Variants in ARFGEF2 observed in about 807,000 individuals in gnomAD.
ARFGEF2 encodes the protein brefeldin A-inhibited guanine nucleotide-exchange protein 2.
A neutral mutation model predicts 219.9 loss-of-function variants in ARFGEF2; 74 were observed. That is an observed-to-expected ratio of 0.34 (90% CI 0.28 to 0.41). The LOEUF (loss-of-function observed/expected upper bound fraction) is 0.41. ARFGEF2 is among the 10% of genes least tolerant of loss of function. The pLI is 1.00. For synonymous variants in ARFGEF2, 733 were observed against 799.2 expected (o/e 0.92, Z 1.40); for missense variants, 1,743 against 2,218.3 (o/e 0.79, Z 4.30).
intron 3 of ARFGEF2, 24 bp downstream of exon 3, chr20:48,942,011 G>T: frequency 6.2e-7 from 1 of 1,613,786 alleles, no homozygotes; most frequent in Non-Finnish European, 8.5e-7. Context: ...ACTTCGTGTT[G>T]TCAAGGGGGT....
At chr20:48,990,249 G>C (rs898619210) in intron 20 of ARFGEF2, among the ~76,000 whole-genome samples, 1 of 152,096 alleles carries the variant, frequency 6.6e-6, no homozygotes, top group Admixed American at 6.6e-5. Flanking sequence ...AGCAGACTTC[G>C]TGTTCATCTG....
At chr20:48,963,794 C>G in intron 6 of ARFGEF2, 36 bp from the exon 7 acceptor site, 1 of 1,594,252 alleles carries the variant, frequency 6.3e-7, no homozygotes, top group East Asian at 2.2e-5. Flanking sequence ...CCTGAAAATG[C>G]CCACGTGTGT....
intron 36 of ARFGEF2, among the ~76,000 whole-genome samples, chr20:49,026,311 CAG>C (rs1364015974): frequency 1.1e-4 from 16 of 151,506 alleles, no homozygotes; most frequent in East Asian, 7.7e-4. Flanking sequence ...GCCTGGGTGA[CAG>C]GGGGAGACCT....
At chr20:48,985,330 T>C in intron 15 of ARFGEF2, 78 bp from the exon 16 acceptor site, 1 of 1,495,872 alleles carries the variant, frequency 6.7e-7, no homozygotes, top group Non-Finnish European at 9.3e-7. Flanking sequence ...CTATTCTGAC[T>C]CCACCCTTTG....
At chr20:49,009,021 T>A (rs1462863519) in intron 26 of ARFGEF2, among the ~76,000 whole-genome samples, 3 of 152,206 alleles carry the variant, frequency 2.0e-5, no homozygotes, top group Non-Finnish European at 4.4e-5. Context: ...TTTTTTTTTA[T>A]CATACTTTTT....
At chr20:48,951,111 A>G (rs890466931) in intron 3 of ARFGEF2, among the ~76,000 whole-genome samples, 45 of 151,814 alleles carry the variant, frequency 3.0e-4, no homozygotes, top group African/African-American at 1.0e-3. Flanking sequence ...TGCATTTTTC[A>G]TCGGATACTG....
Position 48,932,690 on chromosome 20 carries a change from C to T in ARFGEF2, c.122-8509C>T, listed in dbSNP as rs1342605990. Among the ~76,000 whole-genome samples, 3 of 152,116 alleles carry T rather than the reference C, an allele frequency of 2.0e-5. No homozygotes were observed. In the South Asian group the frequency reaches 6.2e-4, roughly 32 times the overall value. On this transcript the variant is annotated intron_variant, in intron 1 of 38. Coordinates refer to ENST00000371917, the MANE Select transcript of ARFGEF2 (RefSeq NM_006420.3). The stretch of plus-strand genomic sequence containing the variant: ...AGAGGTTGGCCATCTCAAGGTTTGA[C>T]AGGACAAAGACAGGTTCTACTGGGA...
At chr20:48,953,451 T>C (rs551648333) in intron 5 of ARFGEF2, 105 bp from the exon 6 acceptor site, 3 of 1,044,014 alleles carry the variant, frequency 2.9e-6, no homozygotes, top group African/African-American at 1.6e-5. Flanking sequence ...GCTGAAATTA[T>C]AGGCGTTAAC....
Position 48,988,659 on chromosome 20 carries a change from C to T in ARFGEF2, c.2530C>T (p.Gln844Ter). Residue 844 changes from glutamine (Q) to a stop codon, truncating the protein, a stop_gained, in exon 18 of 39, where the codon CAG (glutamine) becomes TAG (stop). Coordinates refer to ENST00000371917, the MANE Select transcript of ARFGEF2 (RefSeq NM_006420.3). LOFTEE classifies it high-confidence loss of function. ...AACGATTGCAACCAAATCTACTAAG[C>T]AGAGTAAGGTCTAATGGCAAATTAT... ...ELTIATKSTKQNVASEKQRRL... is the reference protein window; with the variant it reads ...ELTIATKSTK The T allele has an allele frequency of 6.2e-7, 1 of 1,613,022 alleles. No homozygotes were observed. Among genetic ancestry groups the T allele is most frequent in the South Asian group, 1.1e-5 (1 of 90,842 alleles).
rs760639409 is a variant in ARFGEF2, at chr20:48,994,498, C to T, written c.3021C>T (p.Thr1007=). The T allele has an allele frequency of 1.1e-5, 17 of 1,613,936 alleles. No individual in the cohort carries two copies. Among genetic ancestry groups the T allele is most frequent in the Admixed American group, 5.0e-5 (3 of 60,004 alleles). ...TGGAGCTCGCTCAGCTGATAGGAAC[C>T]GGTGTGAAGACGCGCTACCTGTCTG... ...SQLELAQLIG[T]GVKTRYLSGS... is the part of the protein sequence containing the mutation. The change falls in exon 22 of 39, where the codon ACC becomes ACT. Residue 1007 remains threonine, a synonymous_variant. Transcript: ENST00000371917.
Position 48,973,064 on chromosome 20 carries a change from T to G in ARFGEF2, c.1526-81T>G. ...GAGTCTGTAGTTCACTGGGGAAATT[T>G]GTTGGCAAACATCTTGTTTGATAAG... is the stretch of plus-strand genomic sequence containing the variant. On this transcript the variant is annotated intron_variant, in intron 11 of 38. Coordinates refer to ENST00000371917, the MANE Select transcript of ARFGEF2 (RefSeq NM_006420.3). 1.9e-6 allele frequency: 3 copies of G among 1,552,126 alleles called. No homozygotes were observed. The South Asian group carries it at 3.4e-5, about 17-fold the overall frequency.
intron 34 of ARFGEF2, 60 bp from the exon 35 acceptor site, chr20:49,022,990 TG>T (rs1208506762): frequency 8.1e-6 from 13 of 1,605,374 alleles, no homozygotes; most frequent in African/African-American, 1.3e-5. Flanking sequence ...AGGAGCTCAG[TG>T]GATATTTCTT....
chr20:48,967,637 A>G (rs997512032), intron 8 of ARFGEF2, among the ~76,000 whole-genome samples: 1 of 152,228 alleles, frequency 6.6e-6, no homozygotes, highest in African/African-American at 2.4e-5. Flanking sequence ...AAGTAAATGA[A>G]TGAAAGAGAG....
At chr20:48,941,178 T>A in intron 1 of ARFGEF2, 21 bp from the exon 2 acceptor site, 1 of 1,610,992 alleles carries the variant, frequency 6.2e-7, no homozygotes. Flanking sequence ...CCTAATGTGT[T>A]TTTTCTTCCT....
intron 35 of ARFGEF2, among the ~76,000 whole-genome samples, chr20:49,024,762 G>C (rs2091590873): frequency 6.6e-6 from 1 of 152,158 alleles, no homozygotes; most frequent in Non-Finnish European, 1.5e-5. Context: ...CACTTTGGGA[G>C]GCCGAGGCAG....
At position 48,971,219 on chromosome 20, in the gene ARFGEF2, T is replaced by C; in HGVS notation, c.1290T>C (p.Asn430=). 1.2e-6 allele frequency: 2 copies of C among 1,614,204 alleles called. No individual in the cohort carries two copies. The highest frequency in any genetic ancestry group is 1.7e-6 in the Non-Finnish European group (2 of 1,180,044). The change falls in exon 10 of 39, where the codon AAT becomes AAC. Residue 430 remains asparagine (N), a synonymous_variant. Coordinates refer to ENST00000371917, the MANE Select transcript of ARFGEF2 (RefSeq NM_006420.3). The stretch of plus-strand genomic sequence containing the variant: ...TCAGGACTCACGAGATGTTCATCAA[T>C]GCAATCAAGCAATATCTCTGTGTGG... ...PVFRTHEMFI[N]AIKQYLCVAL...
At chr20:49,016,148 A>G in intron 30 of ARFGEF2, 132 bp from the exon 31 acceptor site, 2 of 922,840 alleles carry the variant, frequency 2.2e-6, no homozygotes, top group Admixed American at 2.0e-5. Context: ...TGAATGTATT[A>G]ACATTTTTAA....
At chr20:49,004,708 C>T (rs971930599) in intron 25 of ARFGEF2, among the ~76,000 whole-genome samples, 2 of 151,926 alleles carry the variant, frequency 1.3e-5, no homozygotes, top group African/African-American at 4.8e-5. Context: ...AGGAGAATTG[C>T]TTGAACCGGG....
intron 6 of ARFGEF2, among the ~76,000 whole-genome samples, chr20:48,959,464 CCTT>C (rs1162829469): frequency 2.7e-4 from 1 of 3,688 alleles, no homozygotes; most frequent in Non-Finnish European, 5.7e-4. Flanking sequence ...TCCCTCCCTC[CCTT>C]CTTCTCTCCT....
Sources: gnomAD v4.1 joint callset for allele counts (sites outside exome capture counted in the v4.1 genomes callset) on GRCh38, gnomAD v4.1.1 for gene constraint, MANE v1.5 for transcripts, NCBI Gene and HGNC (gene_info 2026-07-23, HGNC 2026-07-21) for gene names.